WDR74: variants seen among roughly 807,000 people sequenced by gnomAD.
WDR74 encodes WD repeat domain 74.
In WDR74, 31 loss-of-function variants were observed where a neutral mutation model predicts 45.6. The observed-to-expected ratio is 0.68, with a 90% CI of 0.51 to 0.92. WDR74 has a LOEUF of 0.92. Ranked by LOEUF, WDR74 falls within the 40% of genes least tolerant of loss-of-function variation. WDR74 has a pLI of 0.00. For missense variants in WDR74, 455 were observed against 497.2 expected (o/e 0.92, Z 0.81); for synonymous variants, 191 against 192.4 (o/e 0.99, Z 0.06).
chr11:62,841,354 G>A (rs1401691824), upstream of WDR74, among the ~76,000 whole-genome samples: 9 of 152,222 alleles, frequency 5.9e-5, no homozygotes, highest in Non-Finnish European at 1.3e-4. Flanking sequence ...GAAAACATTA[G>A]CCGGGGGTGG....
At chr11:62,833,574 C>T (rs1400108585) in intron 10 of WDR74, 44 bp downstream of exon 10, 1 of 1,550,504 alleles carries the variant, frequency 6.4e-7, no homozygotes, top group Non-Finnish European at 8.7e-7. Context: ...GAGGTCCTCA[C>T]ATCTATGCCC....
At chr11:62,841,555 T>A (rs990989142), upstream of WDR74, 1 of 142,258 alleles carries the variant, frequency 7.0e-6, no homozygotes, top group Non-Finnish European at 1.5e-5. Context: ...AGAACATAAC[T>A]ATTTAGCTTG....
At chr11:62,833,264 A>G (rs1775582300) in intron 10 of WDR74, 133 bp from the exon 11 acceptor site, 9 of 679,208 alleles carry the variant, frequency 1.3e-5, no homozygotes, top group South Asian at 1.3e-4. Context: ...ACTGGGCAAC[A>G]TAAGGAGACC....
chr11:62,841,438 T>TA (rs1451221174), upstream of WDR74: 1 of 152,228 alleles, frequency 6.6e-6, no homozygotes, highest in East Asian at 1.9e-4. Context: ...ATGGAGATAC[T>TA]ACGCTCCGTG....
upstream of WDR74, chr11:62,841,439 AC>A (rs1353701909): frequency 6.6e-6 from 1 of 152,222 alleles, no homozygotes; most frequent in African/African-American, 2.4e-5. Context: ...TGGAGATACT[AC>A]GCTCCGTGCT....
chr11:62,835,254 C>T (rs954602147), intron 6 of WDR74, 177 bp downstream of exon 6: 10 of 610,048 alleles, frequency 1.6e-5, no homozygotes, highest in African/African-American at 3.7e-5. Context: ...GGAAACTCCA[C>T]CCTAGAATAC....
chr11:62,840,986 C>A (rs923405671), upstream of WDR74, among the ~76,000 whole-genome samples: 4 of 152,006 alleles, frequency 2.6e-5, no homozygotes, highest in African/African-American at 9.7e-5. Context: ...AGATCGAGAC[C>A]ATCCTGGTTA....
At chr11:62,841,089 C>T (rs1214334330), upstream of WDR74, among the ~76,000 whole-genome samples, 2 of 152,178 alleles carry the variant, frequency 1.3e-5, no homozygotes, top group Non-Finnish European at 2.9e-5. Context: ...GAGGCTGAAG[C>T]GGGCGGATCA....
chr11:62,841,691 C>A (rs1002078891), upstream of WDR74: 1 of 152,178 alleles, frequency 6.6e-6, no homozygotes, highest in Admixed American at 6.5e-5. Flanking sequence ...AGCTCCTATT[C>A]CATCTCCTAT....
intron 6 of WDR74, 165 bp downstream of exon 6, chr11:62,835,265 AG>A: frequency 1.6e-6 from 1 of 624,168 alleles, no homozygotes; most frequent in Non-Finnish European, 2.8e-6. Flanking sequence ...CCTAGAATAC[AG>A]TAGAGGAAGG....
At position 62,833,155 on chromosome 11, in the gene WDR74, G is replaced by A. The variant is rs1300347940; in HGVS notation, c.979-24C>T. The A allele has an allele frequency of 2.5e-6, 4 of 1,609,612 alleles. No individual in the cohort carries two copies. The Admixed American group carries it at 5.1e-5, about 20-fold the overall frequency. On this transcript the variant is annotated intron_variant, in intron 10 of 10. Coordinates refer to ENST00000278856, the MANE Select transcript of WDR74 (RefSeq NM_001369450.1). ...TCCTGGTGAGTGGGAAGAAAGCTTA[G>A]GAGTCAGGGGGGCCGGGCACGGTGG...
At chr11:62,835,052 A>T (rs2084938240) in intron 6 of WDR74, 1 of 233,782 alleles carries the variant, frequency 4.3e-6, no homozygotes, top group Non-Finnish European at 8.4e-6. Flanking sequence ...AAAGCTGAGG[A>T]GCTGAGGCCA....
intron 10 of WDR74, 187 bp downstream of exon 10, chr11:62,833,431 C>T (rs2084906408): frequency 2.7e-6 from 2 of 748,384 alleles, no homozygotes; most frequent in South Asian, 3.8e-5. Flanking sequence ...AGAAAGCAAC[C>T]CCATCCATGC....
intron 3 of WDR74, among the ~76,000 whole-genome samples, chr11:62,837,710 C>T (rs1565222739): frequency 6.6e-6 from 1 of 152,144 alleles, no homozygotes; most frequent in Non-Finnish European, 1.5e-5. Context: ...CCAGTCCCCC[C>T]CACAGGCTTT....
At chr11:62,841,493 C>CGCG (rs921340286), upstream of WDR74, 1 of 152,180 alleles carries the variant, frequency 6.6e-6, no homozygotes, top group Non-Finnish European at 1.5e-5. Context: ...CACTCAAACA[C>CGCG]GCGTCATTCA....
chr11:62,834,579 C>T (rs1223494029), intron 6 of WDR74, 52 bp from the exon 7 acceptor site: 1 of 1,495,876 alleles, frequency 6.7e-7, no homozygotes, highest in East Asian at 2.3e-5. Context: ...CACCTACCCT[C>T]TGGCGTCTCT....
At chr11:62,836,728 C>T (rs2084965363) in intron 3 of WDR74, 1 of 153,560 alleles carries the variant, frequency 6.5e-6, no homozygotes. Context: ...CCAATCCATC[C>T]TCCATACTCC....
At chr11:62,837,520 A>AC (rs925115346) in intron 3 of WDR74, among the ~76,000 whole-genome samples, 1 of 151,774 alleles carries the variant, frequency 6.6e-6, no homozygotes, top group African/African-American at 2.4e-5. Context: ...AAAAACAAAA[A>AC]AAAAAAAACG....
upstream of WDR74, chr11:62,841,528 A>G (rs987331284): frequency 1.3e-5 from 2 of 151,822 alleles, no homozygotes; most frequent in East Asian, 1.9e-4. Context: ...AAAACACCTA[A>G]TCCAACTCAA....
Sources: allele counts gnomAD v4.1 joint callset (sites outside exome capture counted in the v4.1 genomes callset), GRCh38; gene constraint gnomAD v4.1.1; transcripts MANE v1.5; gene names NCBI Gene and HGNC (gene_info 2026-07-23, HGNC 2026-07-21).